ELF2: variants seen among roughly 807,000 people sequenced by gnomAD.
The protein encoded by ELF2 is ETS-related transcription factor Elf-2.
A neutral mutation model predicts 54.8 loss-of-function variants in ELF2; 11 were observed. The observed-to-expected ratio is 0.20, with a 90% CI of 0.13 to 0.33. The LOEUF (loss-of-function observed/expected upper bound fraction) is 0.33. ELF2 is among the 10% of genes least tolerant of loss of function. ELF2 has a pLI of 1.00. For missense variants in ELF2, 513 were observed against 703.0 expected, an observed-to-expected ratio of 0.73 and a Z score of 3.06; for synonymous variants, 203 against 245.1, an observed-to-expected ratio of 0.83 and a Z score of 1.61.
At chr4:139,085,774 G>C (rs1731915341) in intron 4 of ELF2, among the ~76,000 whole-genome samples, 1 of 152,138 alleles carries the variant, frequency 6.6e-6, no homozygotes, top group South Asian at 2.1e-4. Flanking sequence ...TCAATTTAAA[G>C]TAAGCATCAT....
At chr4:139,084,409 AACGGCAGGGGCAGGG>A (rs1731686480) in intron 4 of ELF2, 11 of 1,374,468 alleles carry the variant, frequency 8.0e-6, no homozygotes, top group African/African-American at 1.5e-5. Flanking sequence ...CCCACCACCT[AACGGCAGGGGCAGGG>A]GCGGCAGGGG....
At chr4:139,132,841 CATATATATATATATAT>C (rs58765596) in intron 3 of ELF2, among the ~76,000 whole-genome samples, 3,583 of 115,032 alleles carry the variant, frequency 0.031, 103 homozygotes, top group African/African-American at 0.071. Flanking sequence ...TATTACTTTA[CATATATATATATATAT>C]ATATATATAT....
At chr4:139,145,356 A>G (rs1160827061) in intron 1 of ELF2, among the ~76,000 whole-genome samples, 1 of 152,220 alleles carries the variant, frequency 6.6e-6, no homozygotes, top group Admixed American at 6.5e-5. Flanking sequence ...TTGAGGACAG[A>G]TAACATCACT....
In ELF2 at chr4:139,121,390, G is replaced by A. The variant is rs1371947405; in HGVS notation, c.238+3774C>T. ...CCGAAAGTGCTGGGATTACAGGTGTGAACCACCATGCCCAGCCTAGTCTGG... is the reference window on the plus strand; with the variant it reads ...CCGAAAGTGCTGGGATTACAGGTGTAAACCACCATGCCCAGCCTAGTCTGG... On this transcript the variant is annotated intron_variant, in intron 4 of 9. Transcript: ENST00000686138. Among the ~76,000 whole-genome samples the A allele has an allele frequency of 4.6e-5, 7 of 152,014 alleles. No homozygotes were observed. The East Asian group carries it at 1.2e-3, about 25-fold the overall frequency.
intron 4 of ELF2, among the ~76,000 whole-genome samples, chr4:139,116,373 A>T (rs1311668241): frequency 6.6e-6 from 1 of 152,224 alleles, no homozygotes; most frequent in Non-Finnish European, 1.5e-5. Context: ...CAAAAAAAAA[A>T]AATGACTTAA....
At position 139,139,418 on chromosome 4, in the gene ELF2, G is replaced by C; in HGVS notation, c.-172C>G. ...CAGAAATAAATTTTACTTACAGTTT[G>C]TATGTTAAGTAGTCTAAGCATCCTT... is the stretch of plus-strand genomic sequence containing the variant. On this transcript the variant is annotated 5_prime_UTR_variant, in exon 2 of 10. Coordinates refer to ENST00000686138, the MANE Select transcript of ELF2 (RefSeq NM_001331036.3). 1 of 1,224,820 alleles carries C rather than the reference G, an allele frequency of 8.2e-7. No individual in the cohort carries two copies. Among genetic ancestry groups the C allele is most frequent in the Non-Finnish European group, 1.0e-6 (1 of 982,460 alleles). 75.9% of individuals were successfully genotyped at this position (1,224,820 alleles called of 1,614,324 possible). A position where few individuals can be genotyped will look rare whatever the true frequency, so the allele number is the denominator to read the frequency against.
intron 6 of ELF2, among the ~76,000 whole-genome samples, chr4:139,070,566 C>T (rs1214018124): frequency 6.6e-6 from 1 of 152,222 alleles, no homozygotes; most frequent in Non-Finnish European, 1.5e-5. Flanking sequence ...GCTGGGATTA[C>T]AGACGTGAGC....
chr4:139,059,641 T>G (rs746197609), intron 9 of ELF2, 34 bp from the exon 10 acceptor site: 2 of 1,576,694 alleles, frequency 1.3e-6, no homozygotes, highest in Admixed American at 3.6e-5. Context: ...CTGATTATAT[T>G]TAATGCCAAC....
At chr4:139,068,112 C>T (rs1728982594) in intron 6 of ELF2, among the ~76,000 whole-genome samples, 1 of 152,154 alleles carries the variant, frequency 6.6e-6, no homozygotes, top group Non-Finnish European at 1.5e-5. Context: ...CCTCTGCCTC[C>T]CGGGTTCAAG....
intron 1 of ELF2, among the ~76,000 whole-genome samples, chr4:139,152,812 A>C (rs1740138838): frequency 6.6e-6 from 1 of 150,952 alleles, no homozygotes; most frequent in Admixed American, 6.6e-5. Context: ...TGAAATTATC[A>C]AGTCCAACAG....
chr4:139,172,323 A>G (rs928413539), intron 1 of ELF2, among the ~76,000 whole-genome samples: 1 of 152,238 alleles, frequency 6.6e-6, no homozygotes, highest in Non-Finnish European at 1.5e-5. Flanking sequence ...TGAAAATGAT[A>G]AATGGAAAAT....
Position 139,137,628 on chromosome 4 carries a change from A to G in ELF2, c.72+2T>C. 6.2e-7 allele frequency: 1 copy of G among 1,613,536 alleles called. No individual in the cohort carries two copies. The highest frequency in any genetic ancestry group is 1.7e-4 in the Middle Eastern group (1 of 6,060). On this transcript the variant is annotated splice_donor_variant, in intron 3 of 9. Transcript: ENST00000686138. LOFTEE classifies it high-confidence loss of function. Reference sequence around the variant, plus strand: ...AGAAATGTAATTCATTGAATGCCTAACCTCTTGATTTTCTACTCCATTGCT... The same window carrying G: ...AGAAATGTAATTCATTGAATGCCTAGCCTCTTGATTTTCTACTCCATTGCT...
chr4:139,070,901 C>G (rs1190342227), intron 6 of ELF2, among the ~76,000 whole-genome samples: 1 of 152,116 alleles, frequency 6.6e-6, no homozygotes, highest in Non-Finnish European at 1.5e-5. Context: ...AAAGAAAATA[C>G]CATTATTTCA....
intron 3 of ELF2, among the ~76,000 whole-genome samples, chr4:139,126,838 A>G (rs1222542089): frequency 6.6e-6 from 1 of 152,176 alleles, no homozygotes; most frequent in East Asian, 1.9e-4. Flanking sequence ...TCAATAAGAG[A>G]GAGTGAATTT....
In ELF2 at chr4:139,151,056, GAAA is replaced by G. The variant is rs1311761965; in HGVS notation, c.-251-11562_-251-11560del. Among the ~76,000 whole-genome samples the G allele has an allele frequency of 2.5e-4, 24 of 95,886 alleles. No homozygotes were observed. In the East Asian group the frequency reaches 6.5e-3, roughly 26 times the overall value. 62.9% of individuals were successfully genotyped at this position (95,886 alleles called of 152,430 possible). On this transcript the variant is annotated intron_variant, in intron 1 of 9. Coordinates refer to ENST00000686138, the MANE Select transcript of ELF2 (RefSeq NM_001331036.3). ...AAAAAGAAAGAAAGAAAGAAAGAAAGAAAGAAAGAAAGAAAGAAAGAAAGAAAG... is the reference window on the plus strand; with the variant it reads ...AAAAAGAAAGAAAGAAAGAAAGAAAGGAAAGAAAGAAAGAAAGAAAGAAAG...
rs184682164 is a variant in ELF2 at position 139,096,531 on chromosome 4, G to A, written c.239-22964C>T. ...GGCTCTAGTGTAGTGGTGTGATCTC[G>A]ACTCACTGCAACCTCCACCTCCCAG... On this transcript the variant is annotated intron_variant, in intron 4 of 9. Coordinates refer to ENST00000686138, the MANE Select transcript of ELF2 (RefSeq NM_001331036.3). Among the ~76,000 whole-genome samples, 207 of 151,552 alleles carry A rather than the reference G, an allele frequency of 1.4e-3. 5 individuals carry two copies. The East Asian group carries it at 0.028, about 20-fold the overall frequency.
At chr4:139,077,712 T>C (rs1197396333) in intron 4 of ELF2, among the ~76,000 whole-genome samples, 1 of 152,190 alleles carries the variant, frequency 6.6e-6, no homozygotes, top group Non-Finnish European at 1.5e-5. Context: ...AAACTATAAT[T>C]TTGCACATTT....
intron 1 of ELF2, among the ~76,000 whole-genome samples, chr4:139,154,221 T>G (rs1444564644): frequency 6.6e-6 from 1 of 152,222 alleles, no homozygotes; most frequent in African/African-American, 2.4e-5. Flanking sequence ...CAATAAATAT[T>G]TTTTATGTTT....
chr4:139,140,240 C>G (rs1738572667), intron 1 of ELF2, among the ~76,000 whole-genome samples: 1 of 152,200 alleles, frequency 6.6e-6, no homozygotes, highest in Non-Finnish European at 1.5e-5. Flanking sequence ...GTCACCCCAC[C>G]AACTTAGCAT....
Sources: gnomAD v4.1 joint callset for allele counts (sites outside exome capture counted in the v4.1 genomes callset) on GRCh38, gnomAD v4.1.1 for gene constraint, MANE v1.5 for transcripts, NCBI Gene and HGNC (gene_info 2026-07-23, HGNC 2026-07-21) for gene names.